The following KLF12 variants were observed in gnomAD, a reference collection of about 807,000 sequenced individuals.
KLF12 encodes the protein Krueppel-like factor 12.
KLF12 carries 9 observed loss-of-function variants against 37.8 expected under a neutral mutation model. The ratio of observed to expected loss-of-function variants is 0.24; its 90% CI spans 0.14 to 0.42. The LOEUF (loss-of-function observed/expected upper bound fraction) is 0.42. Among genes scored for constraint, KLF12 ranks in the 10% least tolerant of loss-of-function variants. The pLI is 1.00. For synonymous variants in KLF12, 208 were observed against 202.1 expected (o/e 1.03, Z -0.25); for missense variants, 411 against 516.0 (o/e 0.80, Z 1.97).
intron 1 of KLF12, among the ~76,000 whole-genome samples, chr13:74,026,177 A>C (rs912812129): frequency 6.6e-6 from 1 of 151,592 alleles, no homozygotes; most frequent in Non-Finnish European, 1.5e-5. Context: ...AAAAACCTTT[A>C]CCTTGGAGGA....
At chr13:74,147,101 C>G in the KLF12 span, among the ~76,000 whole-genome samples, 1 of 152,218 alleles carries the variant, frequency 6.6e-6, no homozygotes, top group Admixed American at 6.5e-5. Flanking sequence ...TATACCCTCA[C>G]TGTGGTTCAT....
intron 3 of KLF12, among the ~76,000 whole-genome samples, chr13:73,898,502 G>A (rs1413916260): frequency 6.6e-6 from 1 of 152,092 alleles, no homozygotes; most frequent in Non-Finnish European, 1.5e-5. Flanking sequence ...TTAAGATGTG[G>A]CTAAAAAAGC....
chr13:73,923,447 T>G (rs992076722), intron 3 of KLF12, among the ~76,000 whole-genome samples: 3 of 152,196 alleles, frequency 2.0e-5, no homozygotes, highest in Non-Finnish European at 4.4e-5. Flanking sequence ...TGTATATGTA[T>G]CTACTAAGCA....
chr13:73,828,280 G>C (rs1883958392), intron 4 of KLF12, among the ~76,000 whole-genome samples: 1 of 152,128 alleles, frequency 6.6e-6, no homozygotes, highest in Non-Finnish European at 1.5e-5. Context: ...ACTATATCTA[G>C]ATGTGAGTTG....
intron 6 of KLF12, among the ~76,000 whole-genome samples, chr13:73,732,272 T>C (rs932702416): frequency 6.6e-6 from 1 of 151,704 alleles, no homozygotes; most frequent in African/African-American, 2.4e-5. Context: ...GTATTTTTAG[T>C]AGAGACGGGG....
the KLF12 span, among the ~76,000 whole-genome samples, chr13:74,206,955 G>A: frequency 6.6e-6 from 1 of 152,134 alleles, no homozygotes; most frequent in South Asian, 2.1e-4. Context: ...TCTGTTTTGT[G>A]CTGCTATAAA....
Position 73,846,242 on chromosome 13 carries a change from T to C in KLF12, c.255A>G (p.Ser85=), listed in dbSNP as rs1029203260. ...TAGGGGACGTCCTGGCTTTGTTTAT[T>C]GACAAGTCCACTGGCTCAGTTTGTG... Residue 85 remains serine (S), a synonymous_variant, in exon 4 of 8, where the codon TCA becomes TCG. Transcript: ENST00000377669. 1 of 1,614,030 alleles carries C rather than the reference T, an allele frequency of 6.2e-7. No individual in the cohort carries two copies. Among genetic ancestry groups the C allele is most frequent in the African/African-American group, 1.3e-5 (1 of 74,904 alleles).
At chr13:73,987,722 GT>G (rs1307240609) in intron 2 of KLF12, among the ~76,000 whole-genome samples, 14 of 137,240 alleles carry the variant, frequency 1.0e-4, no homozygotes, top group South Asian at 2.7e-4. Flanking sequence ...AAGTGGGGGG[GT>G]AGAGGAAGTG....
chr13:73,934,948 T>A (rs1472402315), intron 3 of KLF12, among the ~76,000 whole-genome samples: 1 of 118,564 alleles, frequency 8.4e-6, no homozygotes, highest in Non-Finnish European at 1.8e-5. Flanking sequence ...GGATAGGTTT[T>A]TATTATTTAT....
At chr13:74,091,102 G>C (rs919538768) in intron 1 of KLF12, among the ~76,000 whole-genome samples, 1 of 152,116 alleles carries the variant, frequency 6.6e-6, no homozygotes, top group East Asian at 1.9e-4. Flanking sequence ...TTTTTGACGG[G>C]AGTACCAAGA....
At chr13:73,945,709 C>A (rs1218703689) in intron 2 of KLF12, among the ~76,000 whole-genome samples, 2 of 152,060 alleles carry the variant, frequency 1.3e-5, no homozygotes, top group African/African-American at 4.8e-5. Context: ...ACCACCTAGT[C>A]TATAAGGTGA....
intron 7 of KLF12, among the ~76,000 whole-genome samples, chr13:73,704,194 C>T (rs943119661): frequency 1.3e-5 from 2 of 152,106 alleles, no homozygotes; most frequent in Non-Finnish European, 2.9e-5. Context: ...ATATGTCTTC[C>T]ACTACAACCT....
intron 3 of KLF12, 116 bp from the exon 4 acceptor site, chr13:73,846,489 T>G (rs537093173): frequency 1.1e-6 from 1 of 935,170 alleles, no homozygotes; most frequent in East Asian, 2.6e-5. Context: ...GGACATTTAT[T>G]CGTTCTCCAA....
intron 5 of KLF12, among the ~76,000 whole-genome samples, chr13:73,796,380 CAACT>C (rs4053527): frequency 0.59 from 89,699 of 151,296 alleles, 26,710 homozygotes; most frequent in South Asian, 0.62. Flanking sequence ...TTTTTTCCCT[CAACT>C]AACTAAACAG....
At chr13:73,850,995 T>G (rs2138723336) in intron 3 of KLF12, among the ~76,000 whole-genome samples, 1 of 152,332 alleles carries the variant, frequency 6.6e-6, no homozygotes, top group South Asian at 2.1e-4. Context: ...TCCTTGTTGT[T>G]TATTAGCTGT....
chr13:74,279,777 T>A, the KLF12 span, among the ~76,000 whole-genome samples: 3 of 152,186 alleles, frequency 2.0e-5, no homozygotes, highest in South Asian at 4.1e-4. Flanking sequence ...GAGTACATAA[T>A]GGACATTGTC....
Position 73,846,378 on chromosome 13 carries a change from G to C in KLF12, c.124-5C>G, listed in dbSNP as rs750797607. 6.2e-7 allele frequency: 1 copy of C among 1,602,144 alleles called. No individual in the cohort carries two copies. Among genetic ancestry groups the C allele is most frequent in the Admixed American group, 1.7e-5 (1 of 57,968 alleles). On this transcript the variant is annotated splice_region_variant and splice_polypyrimidine_tract_variant and intron_variant, in intron 3 of 7. Coordinates refer to ENST00000377669, the MANE Select transcript of KLF12 (RefSeq NM_007249.5). Reference sequence around the variant, plus strand: ...ATAGTTGTGGACGTTTGGAGACTGTGGGGAGAAAAATGGAACATATATTTA... The same window carrying C: ...ATAGTTGTGGACGTTTGGAGACTGTCGGGAGAAAAATGGAACATATATTTA...
chr13:74,022,018 T>C (rs1471005404), intron 1 of KLF12, among the ~76,000 whole-genome samples: 8 of 152,186 alleles, frequency 5.3e-5, no homozygotes, highest in African/African-American at 1.9e-4. Context: ...GAGTGCAGGA[T>C]GAAGGCGGCT....
At chr13:74,288,635 A>C in the KLF12 span, among the ~76,000 whole-genome samples, 120,301 of 152,086 alleles carry the variant, frequency 0.79, 47,722 homozygotes, top group South Asian at 0.88. Flanking sequence ...GAAAACCGTG[A>C]AGAGTCAAGA....
Sources: allele counts gnomAD v4.1 joint callset (sites outside exome capture counted in the v4.1 genomes callset), GRCh38; gene constraint gnomAD v4.1.1; transcripts MANE v1.5; gene names NCBI Gene and HGNC (gene_info 2026-07-23, HGNC 2026-07-21).